MTUS1: variants seen among roughly 807,000 people sequenced by gnomAD.
MTUS1 encodes microtubule associated scaffold protein 1.
MTUS1 carries 109 observed loss-of-function variants against 120.8 expected under a neutral mutation model. The ratio of observed to expected loss-of-function variants is 0.90; its 90% CI spans 0.77 to 1.06. The LOEUF is 1.06. MTUS1 is among the 50% of genes least tolerant of loss of function. The pLI is 0.00. For synonymous variants in MTUS1, 737 were observed against 550.5 expected, an observed-to-expected ratio of 1.34 and a Z score of -4.74; for missense variants, 2,210 against 1,486.3, an observed-to-expected ratio of 1.49 and a Z score of -8.01.
intron 8 of MTUS1, among the ~76,000 whole-genome samples, chr8:17,657,338 GCGGGC>G (rs1808551496): frequency 6.6e-6 from 1 of 151,590 alleles, no homozygotes; most frequent in African/African-American, 2.4e-5. Context: ...GGAGGCCGAG[GCGGGC>G]GGATCACGAG....
At chr8:17,791,447 C>T (rs2051774338) in intron 1 of MTUS1, among the ~76,000 whole-genome samples, 1 of 152,074 alleles carries the variant, frequency 6.6e-6, no homozygotes, top group East Asian at 1.9e-4. Flanking sequence ...AACAGGGAAC[C>T]TTAGTACTGT....
intron 8 of MTUS1, among the ~76,000 whole-genome samples, chr8:17,660,419 G>T (rs922745482): frequency 1.3e-5 from 2 of 152,086 alleles, no homozygotes; most frequent in African/African-American, 4.8e-5. Context: ...GATGACATTT[G>T]TGTATCCACT....
rs1293250545 is a variant in MTUS1, at chr8:17,770,588, A to C, written c.-154-14627T>G. ...CAGAAACTGCAACCAGACTACAGGA[A>C]ATACAAACACCAGACCGTACAATGA... is the stretch of plus-strand genomic sequence containing the variant. On this transcript the variant is annotated intron_variant, in intron 1 of 14. Coordinates refer to ENST00000693296, the MANE Select transcript of MTUS1 (RefSeq NM_001363059.2). The C allele has an allele frequency of 2.0e-5, 3 of 152,252 alleles. No homozygotes were observed. In the East Asian group the frequency reaches 5.8e-4, roughly 29 times the overall value. 9.4% of individuals were successfully genotyped at this position (152,252 alleles called of 1,614,324 possible).
At chr8:17,697,949 A>T (rs537850003) in intron 6 of MTUS1, among the ~76,000 whole-genome samples, 9 of 152,326 alleles carry the variant, frequency 5.9e-5, no homozygotes, top group African/African-American at 1.9e-4. Flanking sequence ...GATATTTTAC[A>T]TGTAAACTAC....
Position 17,645,906 on chromosome 8 carries a change from CTG to C in MTUS1, c.*18_*19del, listed in dbSNP as rs766051549. 11 of 1,603,780 alleles carry C rather than the reference CTG, an allele frequency of 6.9e-6. No individual in the cohort carries two copies. Among genetic ancestry groups the C allele is most frequent in the African/African-American group, 1.3e-5 (1 of 74,936 alleles). ...CTGCATCAAAATGCTTTCAGAGAGT[CTG>C]TGGACTTTGGGGAGGTGTCATCTGG... On this transcript the variant is annotated 3_prime_UTR_variant, in exon 15 of 15. Transcript: ENST00000693296.
At position 17,695,136 on chromosome 8, in the gene MTUS1, T is replaced by G. The variant is rs115126249; in HGVS notation, c.2624-10594A>C. On this transcript the variant is annotated intron_variant, in intron 6 of 14. Coordinates refer to ENST00000693296, the MANE Select transcript of MTUS1 (RefSeq NM_001363059.2). ...CATGAATTACCCACTTGACGGACGATTTCTCGGACGTTAAAATGACATAAC... is the reference window on the plus strand; with the variant it reads ...CATGAATTACCCACTTGACGGACGAGTTCTCGGACGTTAAAATGACATAAC... Among the ~76,000 whole-genome samples, 1,266 of 152,294 alleles carry G rather than the reference T, an allele frequency of 8.3e-3. 23 individuals are homozygous for G. Among genetic ancestry groups the G allele is most frequent in the African/African-American group, 0.028 (1,165 of 41,548 alleles).
chr8:17,723,465 C>A, intron 4 of MTUS1: 1 of 622,762 alleles, frequency 1.6e-6, no homozygotes, highest in Non-Finnish European at 2.9e-6. Flanking sequence ...ATCCTTCATG[C>A]AAAAATATAC....
At chr8:17,696,509 A>G (rs1817999718) in intron 6 of MTUS1, among the ~76,000 whole-genome samples, 1 of 152,236 alleles carries the variant, frequency 6.6e-6, no homozygotes, top group Non-Finnish European at 1.5e-5. Context: ...TTTACAGAAT[A>G]AAACTGATTT....
Position 17,724,176 on chromosome 8 carries a change from A to G in MTUS1, c.2288-343T>C, listed in dbSNP as rs374371799. ...CTTTTGGCAAAACTGAAATAAAAAA[A>G]TAAACAAATTGATACGACCCCCCAT... On this transcript the variant is annotated intron_variant, in intron 3 of 14. Transcript: ENST00000693296. 1.1e-5 allele frequency: 5 copies of G among 467,066 alleles called. 1 individual carries two copies. Among genetic ancestry groups the G allele is most frequent in the African/African-American group, 6.0e-5 (3 of 50,232 alleles). The allele number at this position is 467,066 out of a possible 1,614,324, so 28.9% of individuals were successfully genotyped here.
At chr8:17,657,891 ACATATGTATGCATG>A (rs1177977296) in intron 8 of MTUS1, among the ~76,000 whole-genome samples, 1 of 151,446 alleles carries the variant, frequency 6.6e-6, no homozygotes, top group Non-Finnish European at 1.5e-5. Context: ...ATATATGCAT[ACATATGTATGCATG>A]CATATATGTA....
At position 17,644,048 on chromosome 8, in the gene MTUS1, C is replaced by G. The variant is rs997287867; in HGVS notation, c.*1878G>C. 6.6e-6 allele frequency: 1 copy of G among 152,150 alleles called. No individual in the cohort carries two copies. Among genetic ancestry groups the G allele is most frequent in the Non-Finnish European group, 1.5e-5 (1 of 68,040 alleles). The allele number at this position is 152,150 out of a possible 1,614,324, so 9.4% of individuals were successfully genotyped here. A position where few individuals can be genotyped will look rare whatever the true frequency, so the allele number is the denominator to read the frequency against. On this transcript the variant is annotated 3_prime_UTR_variant, in exon 15 of 15. Coordinates refer to ENST00000693296, the MANE Select transcript of MTUS1 (RefSeq NM_001363059.2). ...TGCTATGAGATTTATTTGCCGGTCA[C>G]GTAATACGGAGGACAGCAGGGAACA...
In MTUS1 at chr8:17,753,909, C is replaced by T; in HGVS notation, c.1899G>A (p.Leu633=). The T allele has an allele frequency of 1.2e-6, 2 of 1,614,066 alleles. No individual in the cohort carries two copies. The highest frequency in any genetic ancestry group is 2.2e-5 in the East Asian group (1 of 44,880). Residue 633 remains leucine (L), a synonymous_variant, in exon 2 of 15, where the codon TTG becomes TTA. Coordinates refer to ENST00000693296, the MANE Select transcript of MTUS1 (RefSeq NM_001363059.2). ...SACETGSVSA[L]FQKIKGILPV... The stretch of plus-strand genomic sequence containing the variant: ...GGAGTATGCCTTTGATCTTCTGAAA[C>T]AACGCAGAAACGGACCCGGTCTCGC...
intron 3 of MTUS1, among the ~76,000 whole-genome samples, chr8:17,740,194 C>G (rs575905256): frequency 6.7e-6 from 1 of 150,300 alleles, no homozygotes; most frequent in Non-Finnish European, 1.5e-5. Flanking sequence ...ATCAACAGAG[C>G]GAGACTCCGT....
intron 8 of MTUS1, among the ~76,000 whole-genome samples, chr8:17,670,982 T>A (rs2130590246): frequency 6.6e-6 from 1 of 152,282 alleles, no homozygotes; most frequent in Non-Finnish European, 1.5e-5. Context: ...TGTTTGCTTC[T>A]AGGGGGAGGG....
At position 17,753,952 on chromosome 8, in the gene MTUS1, C is replaced by A. The variant is rs147931629; in HGVS notation, c.1856G>T (p.Ser619Ile). 6.2e-6 allele frequency: 10 copies of A among 1,614,184 alleles called. No homozygotes were observed. Among genetic ancestry groups the A allele is most frequent in the Middle Eastern group, 1.6e-4 (1 of 6,062 alleles). The part of the protein sequence containing the change: ...KSNQEDVDKA[S>I]SSNSACETGS... ...GGTCTCGCATGCTGAGTTAGAAGAA[C>A]TGGCTTTGTCAACATCTTCCTGATT... The change falls in exon 2 of 15, where the codon AGT (serine) becomes ATT (isoleucine). Residue 619 changes from serine to isoleucine, a missense_variant. Coordinates refer to ENST00000693296, the MANE Select transcript of MTUS1 (RefSeq NM_001363059.2).
At position 17,751,862 on chromosome 8, in the gene MTUS1, T is replaced by TAAAA. The variant is rs56362055; in HGVS notation, c.2091+1851_2091+1854dup. Among the ~76,000 whole-genome samples the TAAAA allele has an allele frequency of 1.7e-3, 160 of 96,114 alleles. 1 individual carries two copies. The highest frequency in any genetic ancestry group is 2.4e-3 in the Non-Finnish European group (115 of 47,750). 63.1% of individuals were successfully genotyped at this position (96,114 alleles called of 152,430 possible). A position where few individuals can be genotyped will look rare whatever the true frequency, so the allele number is the denominator to read the frequency against. ...AAAGAGCAAGAACAAGACTCTGCCT[T>TAAAA]AAAAAAAAAAAAAAAAAAAAAAAAG... On this transcript the variant is annotated intron_variant, in intron 2 of 14. Transcript: ENST00000693296.
At chr8:17,681,675 T>C (rs1478051956) in intron 7 of MTUS1, 1 of 154,788 alleles carries the variant, frequency 6.5e-6, no homozygotes, top group Non-Finnish European at 1.5e-5. Context: ...TCCCTCTTGC[T>C]TCTCCTCCAT....
chr8:17,736,325 C>T (rs982211214), intron 3 of MTUS1, among the ~76,000 whole-genome samples: 2 of 152,200 alleles, frequency 1.3e-5, no homozygotes, highest in African/African-American at 2.4e-5. Context: ...TGACCTCCTC[C>T]GCCCATCCAT....
intron 8 of MTUS1, among the ~76,000 whole-genome samples, chr8:17,673,297 A>G (rs962364367): frequency 1.3e-5 from 2 of 152,210 alleles, no homozygotes; most frequent in Admixed American, 1.3e-4. Context: ...GGGATTCTGA[A>G]GTTTCCATCT....
Sources: allele counts gnomAD v4.1 joint callset (sites outside exome capture counted in the v4.1 genomes callset), GRCh38; gene constraint gnomAD v4.1.1; transcripts MANE v1.5; gene names NCBI Gene and HGNC (gene_info 2026-07-23, HGNC 2026-07-21).